The following CTNNA2 variants were observed in gnomAD, a reference collection of about 807,000 sequenced individuals.
CTNNA2 encodes the protein catenin alpha-2.
CTNNA2 carries 42 observed loss-of-function variants against 101.0 expected under a neutral mutation model. The ratio of observed to expected loss-of-function variants is 0.42; its 90% CI spans 0.32 to 0.54. CTNNA2 has a LOEUF of 0.54. CTNNA2 is among the 20% of genes least tolerant of loss of function. The pLI is 0.14. For synonymous variants in CTNNA2, 450 were observed against 456.4 expected (o/e 0.99, Z 0.18); for missense variants, 871 against 1,223.1 (o/e 0.71, Z 4.29).
chr2:79,598,349 A>G (rs910049514), intron 1 of CTNNA2, among the ~76,000 whole-genome samples: 1 of 152,236 alleles, frequency 6.6e-6, no homozygotes, highest in African/African-American at 2.4e-5. Flanking sequence ...GCTGGATTGT[A>G]TGGTAAGAGT....
At chr2:79,618,605 A>T (rs1678794718) in intron 1 of CTNNA2, among the ~76,000 whole-genome samples, 1 of 150,606 alleles carries the variant, frequency 6.6e-6, no homozygotes, top group African/African-American at 2.5e-5. Context: ...GGATTCCCCA[A>T]CTCCCATTCT....
intron 2 of CTNNA2, among the ~76,000 whole-genome samples, chr2:79,285,307 GT>G (rs1675537329): frequency 6.7e-6 from 1 of 150,220 alleles, no homozygotes. Context: ...TTTTGAATGT[GT>G]TTGCTCTTGC....
At chr2:79,753,867 CTTT>C (rs1170637332) in intron 3 of CTNNA2, among the ~76,000 whole-genome samples, 5 of 134,902 alleles carry the variant, frequency 3.7e-5, no homozygotes, top group Admixed American at 7.5e-5. Context: ...CTTTTTCTCT[CTTT>C]TTTTTTTTTT....
intron 7 of CTNNA2, among the ~76,000 whole-genome samples, chr2:80,233,707 C>T (rs73938248): frequency 0.015 from 2,217 of 152,234 alleles, 55 homozygotes; most frequent in African/African-American, 0.051. Context: ...TTTGGAAACA[C>T]AGCCATGGAG....
At chr2:80,508,346 G>A (rs922360792) in intron 9 of CTNNA2, among the ~76,000 whole-genome samples, 5 of 152,156 alleles carry the variant, frequency 3.3e-5, no homozygotes, top group Middle Eastern at 3.4e-3. Flanking sequence ...TTAGCCAGGC[G>A]TGGTGACACA....
At chr2:80,232,341 G>GTTTTTT (rs1286822049) in intron 7 of CTNNA2, among the ~76,000 whole-genome samples, 19 of 82,008 alleles carry the variant, frequency 2.3e-4, no homozygotes, top group East Asian at 1.2e-3. Context: ...TTGTTTGTTT[G>GTTTTTT]TTTGTTTTTT....
intron 7 of CTNNA2, among the ~76,000 whole-genome samples, chr2:80,365,982 T>C (rs1674897909): frequency 1.3e-5 from 2 of 152,256 alleles, no homozygotes; most frequent in African/African-American, 2.4e-5. Context: ...CCTGTAATTG[T>C]GTTTCACTTC....
intron 3 of CTNNA2, among the ~76,000 whole-genome samples, chr2:79,857,753 A>G (rs1322187019): frequency 6.6e-6 from 1 of 152,214 alleles, no homozygotes; most frequent in African/African-American, 2.4e-5. Flanking sequence ...AAATGGAATT[A>G]AATATACTCC....
chr2:79,779,211 C>A (rs1674237829), intron 3 of CTNNA2, among the ~76,000 whole-genome samples: 1 of 151,722 alleles, frequency 6.6e-6, no homozygotes, highest in South Asian at 2.1e-4. Flanking sequence ...GAGGTTGGAA[C>A]TGCCTTTCAG....
At chr2:80,207,124 CT>C (rs1473646308) in intron 7 of CTNNA2, among the ~76,000 whole-genome samples, 1 of 152,146 alleles carries the variant, frequency 6.6e-6, no homozygotes, top group African/African-American at 2.4e-5. Context: ...AGGACTATTC[CT>C]GAAATAGCCA....
chr2:79,875,705 T>A, intron 6 of CTNNA2, among the ~76,000 whole-genome samples: 1 of 152,230 alleles, frequency 6.6e-6, no homozygotes, highest in South Asian at 2.1e-4. Flanking sequence ...GTTATATGTA[T>A]CTCACACCAT....
rs75477818 is a variant in CTNNA2 at position 80,236,625 on chromosome 2, C to T, written c.1057-156586C>T. ...GTGCAGGAGGAAAGGAAAATGGATT[C>T]AGTGAACAACTAGTCAGTCTAAAAA... On this transcript the variant is annotated intron_variant, in intron 7 of 18. Transcript: ENST00000402739. 4.9e-3 allele frequency among the ~76,000 whole-genome samples: 742 copies of T among 152,270 alleles called. 2 individuals carry two copies. The highest frequency in any genetic ancestry group is 8.2e-3 in the Non-Finnish European group (559 of 68,028).
intron 2 of CTNNA2, chr2:79,687,497 C>T (rs1436810491): frequency 5.4e-6 from 3 of 553,424 alleles, no homozygotes; most frequent in South Asian, 2.4e-5. Flanking sequence ...TTTTTATTTG[C>T]ATTACCCAGA....
chr2:79,635,324 C>G (rs1426914623), intron 1 of CTNNA2, among the ~76,000 whole-genome samples: 4 of 151,410 alleles, frequency 2.6e-5, no homozygotes, highest in Admixed American at 1.3e-4. Flanking sequence ...CCCAGCTACT[C>G]GGGAGGCTGA....
intron 2 of CTNNA2, among the ~76,000 whole-genome samples, chr2:79,275,548 G>C (rs1034300923): frequency 2.6e-5 from 4 of 151,460 alleles, no homozygotes; most frequent in Non-Finnish European, 5.9e-5. Context: ...ATGAAATTCA[G>C]GAAAAAAGGA....
intron 2 of CTNNA2, among the ~76,000 whole-genome samples, chr2:79,290,964 C>T (rs985707360): frequency 6.6e-6 from 1 of 152,120 alleles, no homozygotes; most frequent in Non-Finnish European, 1.5e-5. Context: ...CCCTGTAATA[C>T]ACGCCCACTG....
intron 7 of CTNNA2, among the ~76,000 whole-genome samples, chr2:80,373,968 C>T (rs1675688662): frequency 6.6e-6 from 1 of 152,074 alleles, no homozygotes; most frequent in African/African-American, 2.4e-5. Flanking sequence ...TGTCATCAAA[C>T]CTCAACAAAC....
At chr2:80,189,510 A>G (rs2148994940) in intron 7 of CTNNA2, among the ~76,000 whole-genome samples, 1 of 152,322 alleles carries the variant, frequency 6.6e-6, no homozygotes, top group Admixed American at 6.5e-5. Flanking sequence ...AGCCATCGTC[A>G]AAGTTTGCCC....
At chr2:79,558,310 A>G (rs1320285712) in intron 1 of CTNNA2, among the ~76,000 whole-genome samples, 1 of 151,934 alleles carries the variant, frequency 6.6e-6, no homozygotes, top group Non-Finnish European at 1.5e-5. Flanking sequence ...ATCAGCTATT[A>G]TTTTATATCA....
Sources: gnomAD v4.1 joint callset for allele counts (sites outside exome capture counted in the v4.1 genomes callset) on GRCh38, gnomAD v4.1.1 for gene constraint, MANE v1.5 for transcripts, NCBI Gene and HGNC (gene_info 2026-07-23, HGNC 2026-07-21) for gene names.